The following ITGB4 variants were observed in gnomAD, a reference collection of about 807,000 sequenced individuals.
ITGB4 encodes the protein integrin subunit beta 4.
A neutral mutation model predicts 207.6 loss-of-function variants in ITGB4; 159 were observed. The ratio of observed to expected loss-of-function variants is 0.77; its 90% CI spans 0.67 to 0.87. ITGB4 has a LOEUF of 0.87. Ranked by LOEUF, ITGB4 falls within the 40% of genes least tolerant of loss-of-function variation. ITGB4 has a pLI of 0.00. For synonymous variants in ITGB4, 1,020 were observed against 1,062.7 expected, an observed-to-expected ratio of 0.96 and a Z score of 0.78; for missense variants, 2,278 against 2,546.8, an observed-to-expected ratio of 0.89 and a Z score of 2.27.
At position 75,737,961 on chromosome 17, in the gene ITGB4, T is replaced by C. The variant is rs820180; in HGVS notation, c.2220+317T>C. Among the ~76,000 whole-genome samples the C allele has an allele frequency of 0.8, 121,094 of 151,488 alleles. 48,511 individuals are homozygous for C. The highest frequency in any genetic ancestry group is 0.88 in the East Asian group (4,506 of 5,104). ...AACCCCCACCAGGGTCCCCAGCCTC[T>C]CCACCCACCATCCCCACTCCTGCAG... On this transcript the variant is annotated intron_variant, in intron 18 of 39. Coordinates refer to ENST00000200181, the MANE Select transcript of ITGB4 (RefSeq NM_000213.5).
chr17:75,753,642 C>T, intron 32 of ITGB4, 123 bp from the exon 33 acceptor site: 2 of 602,670 alleles, frequency 3.3e-6, no homozygotes, highest in Non-Finnish European at 4.8e-6. Context: ...CCCCAACACA[C>T]ACCCCGGGAT....
intron 33 of ITGB4, 145 bp from the exon 34 acceptor site, chr17:75,754,431 T>TC: frequency 1.0e-6 from 1 of 988,570 alleles, no homozygotes; most frequent in Non-Finnish European, 1.6e-6. Context: ...AGGGCCTCTG[T>TC]CCCTAGTGGT....
In ITGB4 at chr17:75,727,547, G is replaced by C; in HGVS notation, c.264+42G>C. 1 of 1,605,608 alleles carries C rather than the reference G, an allele frequency of 6.2e-7. No individual in the cohort carries two copies. On this transcript the variant is annotated intron_variant, in intron 4 of 39. Transcript: ENST00000200181. The surrounding 1 kb of genome is among the most constrained non-coding windows in gnomAD (Gnocchi z 6.0). ...CTGGGGTGGGGGCTCCCCATGCTCA[G>C]CCTGGCTATTTATGGGGGTGTATAG...
chr17:75,747,772 C>G (rs1261799199), intron 26 of ITGB4, among the ~76,000 whole-genome samples: 1 of 152,206 alleles, frequency 6.6e-6, no homozygotes, highest in African/African-American at 2.4e-5. Flanking sequence ...GCCTTAGCCT[C>G]CCGAGTAGCT....
In ITGB4 at chr17:75,742,821, C is replaced by T. The variant is rs1014481055; in HGVS notation, c.2962+60C>T. The T allele has an allele frequency of 1.3e-6, 2 of 1,519,918 alleles. No homozygotes were observed. Among genetic ancestry groups the T allele is most frequent in the Admixed American group, 3.7e-5 (2 of 53,782 alleles). 94.2% of individuals were successfully genotyped at this position (1,519,918 alleles called of 1,614,324 possible). A position where few individuals can be genotyped will look rare whatever the true frequency, so the allele number is the denominator to read the frequency against. Reference sequence around the variant, plus strand: ...GGGGGCTCGGGGGCACTGGTTCCTCCTGCTTAAGTGGAATTGCGACCTGGC... The same window carrying T: ...GGGGGCTCGGGGGCACTGGTTCCTCTTGCTTAAGTGGAATTGCGACCTGGC... On this transcript the variant is annotated intron_variant, in intron 25 of 39. Coordinates refer to ENST00000200181, the MANE Select transcript of ITGB4 (RefSeq NM_000213.5). The surrounding 1 kb of genome is among the most constrained non-coding windows in gnomAD (Gnocchi z 5.9).
intron 35 of ITGB4, 86 bp downstream of exon 35, chr17:75,755,936 A>C (rs775392543): frequency 2.0e-6 from 3 of 1,498,256 alleles, no homozygotes; most frequent in Non-Finnish European, 2.7e-6. Flanking sequence ...CAGCTGTGTC[A>C]GGAACCCACC....
rs1468345296 is a variant in ITGB4, at chr17:75,729,133, T to C, written c.567-132T>C. 1.9e-5 allele frequency: 15 copies of C among 789,802 alleles called. No individual in the cohort carries two copies. The highest frequency in any genetic ancestry group is 2.9e-5 in the Non-Finnish European group (15 of 514,176). The allele number at this position is 789,802 out of a possible 1,614,324, so 48.9% of individuals were successfully genotyped here. A position where few individuals can be genotyped will look rare whatever the true frequency, so the allele number is the denominator to read the frequency against. Reference sequence around the variant, plus strand: ...AGATCGTGCATACCGCACACCAGCCTGGGTGATAAAGCGAGACTTGGTCTC... The same window carrying C: ...AGATCGTGCATACCGCACACCAGCCCGGGTGATAAAGCGAGACTTGGTCTC... On this transcript the variant is annotated intron_variant, in intron 6 of 39. Transcript: ENST00000200181. This position sits in a 1 kb window ranked among gnomAD's most constrained non-coding sequence, Gnocchi z 4.4.
At chr17:75,749,461 T>C (rs1206310634) in intron 27 of ITGB4, among the ~76,000 whole-genome samples, 1 of 152,176 alleles carries the variant, frequency 6.6e-6, no homozygotes, top group African/African-American at 2.4e-5. Flanking sequence ...CCAGGGGGTC[T>C]GGGCCGCAGC....
At position 75,739,603 on chromosome 17, in the gene ITGB4, T is replaced by C; in HGVS notation, c.2221-69T>C. The C allele has an allele frequency of 6.4e-7, 1 of 1,573,050 alleles. No individual in the cohort carries two copies. The highest frequency in any genetic ancestry group is 8.7e-7 in the Non-Finnish European group (1 of 1,145,300). ...TCTTGACCATTGGCATGGGGCGGGGTGGCTGGAAGGGCTTACCTGGGCCAG... is the reference window on the plus strand; with the variant it reads ...TCTTGACCATTGGCATGGGGCGGGGCGGCTGGAAGGGCTTACCTGGGCCAG... On this transcript the variant is annotated intron_variant, in intron 18 of 39. Transcript: ENST00000200181. The surrounding 1 kb of genome is among the most constrained non-coding windows in gnomAD (Gnocchi z 5.4).
rs575914257 is a variant in ITGB4, at chr17:75,750,341, C to T, written c.3474+73C>T. On this transcript the variant is annotated intron_variant, in intron 28 of 39. Coordinates refer to ENST00000200181, the MANE Select transcript of ITGB4 (RefSeq NM_000213.5). This position sits in a 1 kb window ranked among gnomAD's most constrained non-coding sequence, Gnocchi z 5.5. ...ACCAGCACTCACAGAAGAGGTGGGCCGTCCAAGGCCAGGGCCCCCTGAGAG... is the reference window on the plus strand; with the variant it reads ...ACCAGCACTCACAGAAGAGGTGGGCTGTCCAAGGCCAGGGCCCCCTGAGAG... 1.8e-3 allele frequency: 2,622 copies of T among 1,490,854 alleles called. 6 individuals carry two copies. The highest frequency in any genetic ancestry group is 2.2e-3 in the Non-Finnish European group (2,406 of 1,101,128). 92.4% of individuals were successfully genotyped at this position (1,490,854 alleles called of 1,614,324 possible).
At chr17:75,749,156 C>G (rs904578513) in intron 27 of ITGB4, 111 bp downstream of exon 27, 1 of 860,048 alleles carries the variant, frequency 1.2e-6, no homozygotes. Context: ...CCAGGTAAAT[C>G]TGAATTTCAG....
rs111498457 is a variant in ITGB4, at chr17:75,736,695, G to A, written c.1990+1G>A. On this transcript the variant is annotated splice_donor_variant, in intron 16 of 39. Transcript: ENST00000200181. LOFTEE classifies it high-confidence loss of function. ...AAGATGGTGGACGAGCTTAAGAGAGGTAGGGGCAGGGGCTGAGGGTTGGGG... is the reference window on the plus strand; with the variant it reads ...AAGATGGTGGACGAGCTTAAGAGAGATAGGGGCAGGGGCTGAGGGTTGGGG... 1.9e-6 allele frequency: 3 copies of A among 1,592,866 alleles called. No individual in the cohort carries two copies. The highest frequency in any genetic ancestry group is 2.3e-5 in the East Asian group (1 of 44,232).
chr17:75,750,408 C>T lies in ITGB4; in HGVS notation c.3474+140C>T. On this transcript the variant is annotated intron_variant, in intron 28 of 39. Transcript: ENST00000200181. The surrounding 1 kb of genome is among the most constrained non-coding windows in gnomAD (Gnocchi z 5.5). ...CCTAGCACAGGTGGTCAGAGGGAAACCCGGTCTGTGCTGGGAAAGAGGGAA... is the reference window on the plus strand; with the variant it reads ...CCTAGCACAGGTGGTCAGAGGGAAATCCGGTCTGTGCTGGGAAAGAGGGAA... 4.3e-6 allele frequency: 4 copies of T among 929,906 alleles called. 1 individual carries two copies. In the South Asian group the frequency reaches 6.7e-5, roughly 16 times the overall value. 57.6% of individuals were successfully genotyped at this position (929,906 alleles called of 1,614,324 possible). A position where few individuals can be genotyped will look rare whatever the true frequency, so the allele number is the denominator to read the frequency against.
chr17:75,742,306 C>T lies in ITGB4; in HGVS notation c.2634-35C>T, dbSNP rs376305144. 52 of 1,612,736 alleles carry T rather than the reference C, an allele frequency of 3.2e-5. No homozygotes were observed. In the African/African-American group the frequency reaches 6.0e-4, roughly 19 times the overall value. ...ACAGGGCAGCAGGTGCCAGCCTGAC[C>T]CCTCCGCTGCCTGAACCTTCCACCC... is the stretch of plus-strand genomic sequence containing the variant. On this transcript the variant is annotated intron_variant, in intron 23 of 39. Transcript: ENST00000200181. The surrounding 1 kb of genome is among the most constrained non-coding windows in gnomAD (Gnocchi z 5.9).
chr17:75,750,634 G>A lies in ITGB4; in HGVS notation c.3475-46G>A, dbSNP rs764607332. 1.3e-6 allele frequency: 2 copies of A among 1,568,002 alleles called. No individual in the cohort carries two copies. Among genetic ancestry groups the A allele is most frequent in the South Asian group, 2.2e-5 (2 of 89,568 alleles). ...GTCAGAGGAGGGACAGGCAGCTTGG[G>A]TGCCTGCTGCTCCCTGCTGACCAGG... On this transcript the variant is annotated intron_variant, in intron 28 of 39. Transcript: ENST00000200181. The surrounding 1 kb of genome is among the most constrained non-coding windows in gnomAD (Gnocchi z 5.5).
At chr17:75,743,684 ACT>A (rs2061168183) in intron 25 of ITGB4, 27 bp from the exon 26 acceptor site, 2 of 1,613,142 alleles carry the variant, frequency 1.2e-6, no homozygotes, top group East Asian at 4.5e-5. Flanking sequence ...GGCCCAGCAC[ACT>A]CTGACAAATG....
intron 26 of ITGB4, among the ~76,000 whole-genome samples, chr17:75,747,533 G>A (rs976061331): frequency 2.0e-5 from 3 of 152,098 alleles, no homozygotes; most frequent in Non-Finnish European, 2.9e-5. Flanking sequence ...CCCCTTGTTC[G>A]GATGTCCCAA....
intron 6 of ITGB4, among the ~76,000 whole-genome samples, chr17:75,728,940 C>T (rs1314806507): frequency 2.0e-5 from 3 of 147,304 alleles, no homozygotes; most frequent in East Asian, 2.0e-4. Flanking sequence ...GCCAGGATTG[C>T]GCCACTGCAC....
chr17:75,756,645 T>C, intron 36 of ITGB4, 28 bp downstream of exon 36: 1 of 1,612,792 alleles, frequency 6.2e-7, no homozygotes, highest in East Asian at 2.2e-5. Flanking sequence ...GCCCCAGAGC[T>C]GCCCCCATCA....
Sources: gnomAD v4.1 joint callset for allele counts (sites outside exome capture counted in the v4.1 genomes callset) on GRCh38, gnomAD v4.1.1 for gene constraint, Gnocchi (gnomAD v3.1) non-coding constraint, MANE v1.5 for transcripts, NCBI Gene and HGNC (gene_info 2026-07-23, HGNC 2026-07-21) for gene names.